CES5A: variants seen among roughly 807,000 people sequenced by gnomAD.
CES5A encodes carboxylesterase 5.
CES5A carries 67 observed loss-of-function variants against 62.9 expected under a neutral mutation model. The observed-to-expected ratio is 1.07, with a 90% CI of 0.88 to 1.31. The LOEUF (loss-of-function observed/expected upper bound fraction) is 1.31. Among genes scored for constraint, CES5A ranks in the 50% most tolerant of loss-of-function variants. CES5A has a pLI of 0.00. For missense variants in CES5A, 748 were observed against 708.5 expected (o/e 1.06, Z -0.63); for synonymous variants, 296 against 280.8 (o/e 1.05, Z -0.54).
intron 2 of CES5A, among the ~76,000 whole-genome samples, chr16:55,932,041 G>C (rs1354783962): frequency 6.6e-6 from 1 of 152,176 alleles, no homozygotes; most frequent in Non-Finnish European, 1.5e-5. Context: ...TTCACTCAAG[G>C]ATTAATGGAT....
upstream of CES5A, among the ~76,000 whole-genome samples, chr16:55,929,697 C>T (rs984814331): frequency 1.3e-5 from 2 of 152,082 alleles, no homozygotes; most frequent in Non-Finnish European, 2.9e-5. Flanking sequence ...AGACAGCATC[C>T]GACAGGGCAT....
chr16:55,859,693 A>G lies in CES5A; in HGVS notation c.916-6T>C. ...CGAGTGAAAGACTTTGTTTTCTGTA[A>G]TAAGGAAGAAAAAAAAATCATCAGC... is the stretch of plus-strand genomic sequence containing the variant. On this transcript the variant is annotated splice_region_variant and splice_polypyrimidine_tract_variant and intron_variant, in intron 7 of 12. Coordinates refer to ENST00000290567, the MANE Select transcript of CES5A (RefSeq NM_001143685.2). The G allele has an allele frequency of 1.3e-6, 2 of 1,598,064 alleles. No individual in the cohort carries two copies. Among genetic ancestry groups the G allele is most frequent in the Non-Finnish European group, 8.5e-7 (1 of 1,174,794 alleles).
rs183934560 is a variant in CES5A, at chr16:55,882,894, T to C, written c.-255-8857A>G. ...CTCATCCTGTCCATTGAGCATGAAG[T>C]TGTAAATGTAACATGTGAGCGTGAT... On this transcript the variant is annotated intron_variant, in intron 1 of 12. Transcript: ENST00000518005. 2.5e-3 allele frequency among the ~76,000 whole-genome samples: 374 copies of C among 152,268 alleles called. 3 individuals are homozygous for C. The highest frequency in any genetic ancestry group is 8.6e-3 in the African/African-American group (359 of 41,556).
At chr16:55,894,861 A>G (rs2033916038) in intron 1 of CES5A, among the ~76,000 whole-genome samples, 1 of 151,930 alleles carries the variant, frequency 6.6e-6, no homozygotes, top group Non-Finnish European at 1.5e-5. Context: ...AATAGATCCC[A>G]GTGGAAAAAA....
chr16:55,885,788 C>T lies in CES5A; in HGVS notation c.-255-11751G>A, dbSNP rs77729590. ...TGATTGGAAGCCATAGTTGGAAGCC[C>T]GCAAAGTTCATTCTCATGGCCACTA... On this transcript the variant is annotated intron_variant, in intron 1 of 12. Coordinates refer to the CES5A transcript ENST00000518005. Among the ~76,000 whole-genome samples, 49 of 152,238 alleles carry T rather than the reference C, an allele frequency of 3.2e-4. No individual in the cohort carries two copies. In the East Asian group the frequency reaches 6.0e-3, roughly 19 times the overall value.
intron 1 of CES5A, among the ~76,000 whole-genome samples, chr16:55,883,722 C>T (rs1282446396): frequency 2.0e-5 from 3 of 152,208 alleles, no homozygotes; most frequent in Non-Finnish European, 4.4e-5. Flanking sequence ...ATTTCCGCTT[C>T]CCCAATGTGA....
At chr16:55,939,827 C>T (rs896246385) in intron 2 of CES5A, among the ~76,000 whole-genome samples, 23 of 151,744 alleles carry the variant, frequency 1.5e-4, no homozygotes, top group African/African-American at 5.6e-4. Flanking sequence ...AGTATGTTCT[C>T]AAACTATAAT....
intron 2 of CES5A, among the ~76,000 whole-genome samples, chr16:55,946,049 A>G (rs1288118166): frequency 6.6e-6 from 1 of 152,236 alleles, no homozygotes; most frequent in African/African-American, 2.4e-5. Context: ...AATGGAATTT[A>G]CAGTAGCATT....
In CES5A at chr16:55,869,677, A is replaced by G; in HGVS notation, c.485T>C (p.Leu162Pro). Residue 162 changes from leucine to proline, a missense_variant, in exon 4 of 13, where the codon CTG becomes CCG. Physicochemically the swap from Leu to Pro is moderately conservative, Grantham distance 98. Transcript: ENST00000290567. The stretch of plus-strand genomic sequence containing the variant: ...AACCAGCACGTCCTCATAGGCAGCC[A>G]GGGCGGACCCATCAAAGATGGAGGC... ...GSASIFDGSA[L>P]AAYEDVLVVV... The G allele has an allele frequency of 6.2e-7, 1 of 1,613,006 alleles. No homozygotes were observed. Among genetic ancestry groups the G allele is most frequent in the South Asian group, 1.1e-5 (1 of 90,750 alleles).
intron 1 of CES5A, among the ~76,000 whole-genome samples, chr16:55,892,025 G>A (rs763607204): frequency 5.3e-5 from 8 of 152,220 alleles, no homozygotes; most frequent in African/African-American, 1.2e-4. Flanking sequence ...TCCCCATCCT[G>A]AAGAGATTAA....
At chr16:55,937,915 A>G (rs1460557925) in intron 2 of CES5A, among the ~76,000 whole-genome samples, 2 of 152,204 alleles carry the variant, frequency 1.3e-5, no homozygotes, top group East Asian at 3.8e-4. Flanking sequence ...CTATGTGCCA[A>G]AAATGTTATC....
Position 55,897,405 on chromosome 16 carries a change from T to G in CES5A, c.-255-23368A>C, listed in dbSNP as rs1329030541. Among the ~76,000 whole-genome samples the G allele has an allele frequency of 3.9e-5, 6 of 152,136 alleles. No individual in the cohort carries two copies. The East Asian group carries it at 1.2e-3, about 29-fold the overall frequency. ...AGGGGGAAAAAGGGTTCTAGGGCCTTCTAAGTGGCCCAGGCTCCAGGAAGG... is the reference window on the plus strand; with the variant it reads ...AGGGGGAAAAAGGGTTCTAGGGCCTGCTAAGTGGCCCAGGCTCCAGGAAGG... On this transcript the variant is annotated intron_variant, in intron 1 of 12. Transcript: ENST00000518005.
In CES5A at chr16:55,875,161, C is replaced by T. The variant is rs1444348369; in HGVS notation, c.61G>A (p.Ala21Thr). ...TTGGATATCTCACCTTTGGTGGGGG[C>T]TGCAAGGACCCAGATAGCCCAAATT... ...ILIWAIWVLA[A>T]PTKGPSAEGP... is the part of the protein sequence containing the mutation. Residue 21 changes from alanine to threonine, a missense_variant, in exon 1 of 13, where the codon GCC becomes ACC. Transcript: ENST00000290567. The T allele has an allele frequency of 6.2e-7, 1 of 1,614,136 alleles. No individual in the cohort carries two copies. The highest frequency in any genetic ancestry group is 8.5e-7 in the Non-Finnish European group (1 of 1,179,990).
chr16:55,858,332 T>C (rs1268602213), intron 8 of CES5A, among the ~76,000 whole-genome samples: 2 of 152,230 alleles, frequency 1.3e-5, no homozygotes, highest in Non-Finnish European at 2.9e-5. Context: ...TTCTTTAAAA[T>C]AGGGAAAATC....
intron 2 of CES5A, among the ~76,000 whole-genome samples, chr16:55,938,826 A>G (rs1207137522): frequency 8.4e-6 from 1 of 119,108 alleles, no homozygotes; most frequent in Non-Finnish European, 1.8e-5. Flanking sequence ...ACACACACAT[A>G]TATATATATA....
At chr16:55,902,802 C>T (rs1481085302) in intron 1 of CES5A, among the ~76,000 whole-genome samples, 1 of 152,114 alleles carries the variant, frequency 6.6e-6, no homozygotes, top group African/African-American at 2.4e-5. Context: ...GCTTGAGATG[C>T]CACCATTGGT....
intron 2 of CES5A, among the ~76,000 whole-genome samples, chr16:55,945,479 C>A (rs1286973445): frequency 6.6e-6 from 1 of 152,214 alleles, no homozygotes; most frequent in East Asian, 1.9e-4. Context: ...CCAGTCCCAG[C>A]AGCACAGCTG....
At chr16:55,858,022 C>T (rs1371372697) in intron 8 of CES5A, among the ~76,000 whole-genome samples, 1 of 152,090 alleles carries the variant, frequency 6.6e-6, no homozygotes, top group East Asian at 1.9e-4. Flanking sequence ...TGGTGAAACA[C>T]TGTCTCCACT....
At chr16:55,859,827 C>G (rs1222821145) in intron 7 of CES5A, 140 bp from the exon 8 acceptor site, 2 of 693,960 alleles carry the variant, frequency 2.9e-6, no homozygotes, top group Non-Finnish European at 4.8e-6. Context: ...AAAACAAACA[C>G]TATGGGCCCA....
Sources: allele counts gnomAD v4.1 joint callset (sites outside exome capture counted in the v4.1 genomes callset), GRCh38; gene constraint gnomAD v4.1.1; transcripts MANE v1.5; gene names NCBI Gene and HGNC (gene_info 2026-07-23, HGNC 2026-07-21).